DLG1: variants seen among roughly 807,000 people sequenced by gnomAD.
The protein encoded by DLG1 is discs large MAGUK scaffold protein 1, also known as disks large homolog 1.
A neutral mutation model predicts 123.4 loss-of-function variants in DLG1; 42 were observed. That is an observed-to-expected ratio of 0.34 (90% CI 0.27 to 0.44). DLG1 has a LOEUF of 0.44. DLG1 is among the 20% of genes least tolerant of loss of function. DLG1 has a pLI of 1.00. For synonymous variants in DLG1, 317 were observed against 356.2 expected (o/e 0.89, Z 1.24); for missense variants, 942 against 1,082.6 (o/e 0.87, Z 1.82).
At chr3:197,164,227 T>TAAA (rs572647025) in intron 5 of DLG1, among the ~76,000 whole-genome samples, 167 of 143,026 alleles carry the variant, frequency 1.2e-3, no homozygotes, top group African/African-American at 3.3e-3. Context: ...CCATCTCTAC[T>TAAA]AAAAAAAAAA....
intron 1 of DLG1, chr3:197,297,441 C>G (rs1778003782): frequency 1.4e-6 from 2 of 1,390,210 alleles, no homozygotes; most frequent in South Asian, 3.2e-5. Context: ...AAATTAAGAA[C>G]AGACAGAAGT....
Position 197,065,462 on chromosome 3 carries a change from A to C in DLG1, c.2201-14T>G. On this transcript the variant is annotated splice_polypyrimidine_tract_variant and intron_variant, in intron 21 of 24. Coordinates refer to ENST00000667157, the MANE Select transcript of DLG1 (RefSeq NM_001366207.1). ...GTCTAGTTGTATCTTTAACAGAAAA[A>C]AACTTGGGAAAGTGTTTAATATTAA... 1 of 1,567,812 alleles carries C rather than the reference A, an allele frequency of 6.4e-7. No homozygotes were observed. Among genetic ancestry groups the C allele is most frequent in the Non-Finnish European group, 8.6e-7 (1 of 1,163,952 alleles).
At chr3:197,284,570 A>G (rs1052565432) in intron 3 of DLG1, among the ~76,000 whole-genome samples, 1 of 152,176 alleles carries the variant, frequency 6.6e-6, no homozygotes, top group Non-Finnish European at 1.5e-5. Flanking sequence ...CAATAGCTAC[A>G]AGTGATTCTA....
intron 7 of DLG1, among the ~76,000 whole-genome samples, chr3:197,142,260 T>G (rs944767972): frequency 6.6e-6 from 1 of 152,078 alleles, no homozygotes; most frequent in African/African-American, 2.4e-5. Context: ...TCTGAGAAAC[T>G]ATCACAATCT....
At chr3:197,095,881 A>G (rs1360262098) in intron 14 of DLG1, among the ~76,000 whole-genome samples, 1 of 152,158 alleles carries the variant, frequency 6.6e-6, no homozygotes, top group Non-Finnish European at 1.5e-5. Flanking sequence ...TTGAAGTTAG[A>G]TTCTGGGTCC....
At chr3:197,223,438 C>G (rs1389026132) in intron 4 of DLG1, among the ~76,000 whole-genome samples, 1 of 152,186 alleles carries the variant, frequency 6.6e-6, no homozygotes, top group Non-Finnish European at 1.5e-5. Flanking sequence ...GAGGTAAACT[C>G]TAGTCCCATA....
intron 3 of DLG1, among the ~76,000 whole-genome samples, chr3:197,287,279 T>C (rs374544454): frequency 1.3e-4 from 20 of 152,306 alleles, no homozygotes; most frequent in African/African-American, 4.6e-4. Context: ...TTTCTTAAAC[T>C]GCATGAGAGA....
At chr3:197,193,190 A>T (rs1446117644) in intron 5 of DLG1, among the ~76,000 whole-genome samples, 1 of 152,162 alleles carries the variant, frequency 6.6e-6, no homozygotes, top group African/African-American at 2.4e-5. Flanking sequence ...AGAAATACAA[A>T]TCAATAAAAA....
chr3:197,110,759 G>A (rs1769506795), intron 13 of DLG1, among the ~76,000 whole-genome samples: 5 of 152,172 alleles, frequency 3.3e-5, no homozygotes, highest in Admixed American at 3.3e-4. Context: ...AGTGGTTAAT[G>A]ACTGAATACA....
intron 4 of DLG1, among the ~76,000 whole-genome samples, chr3:197,223,643 T>G (rs536116689): frequency 3.9e-5 from 6 of 152,252 alleles, no homozygotes; most frequent in African/African-American, 1.2e-4. Context: ...TTAGAAGTAC[T>G]GTTAGAAAAT....
chr3:197,121,511 T>C (rs940824654), intron 11 of DLG1, among the ~76,000 whole-genome samples: 4 of 152,090 alleles, frequency 2.6e-5, no homozygotes, highest in Admixed American at 6.5e-5. Flanking sequence ...AAATATATAC[T>C]GTAAAAAACA....
At chr3:197,161,628 A>G in intron 5 of DLG1, 1 of 1,393,636 alleles carries the variant, frequency 7.2e-7, no homozygotes, top group Non-Finnish European at 9.5e-7. Flanking sequence ...GAAAAAAGAA[A>G]CTAATAAAAA....
At position 197,126,415 on chromosome 3, in the gene DLG1, C is replaced by T. The variant is rs563154926; in HGVS notation, c.1165+4112G>A. On this transcript the variant is annotated intron_variant, in intron 11 of 24. Transcript: ENST00000667157. Reference sequence around the variant, plus strand: ...CTGGGAGGCAGAGGTTGTGGTGATCCGAGATCACGCCACTGCACTCCAGCC... The same window carrying T: ...CTGGGAGGCAGAGGTTGTGGTGATCTGAGATCACGCCACTGCACTCCAGCC... Among the ~76,000 whole-genome samples the T allele has an allele frequency of 4.6e-5, 7 of 151,512 alleles. No homozygotes were observed. Among genetic ancestry groups the T allele is most frequent in the Non-Finnish European group, 5.9e-5 (4 of 67,868 alleles).
At chr3:197,294,490 C>T (rs1776413616) in intron 3 of DLG1, among the ~76,000 whole-genome samples, 1 of 151,838 alleles carries the variant, frequency 6.6e-6, no homozygotes, top group Non-Finnish European at 1.5e-5. Flanking sequence ...ACTAAAAATA[C>T]AATACAAAAA....
At chr3:197,166,286 C>CT (rs1801358235) in intron 5 of DLG1, among the ~76,000 whole-genome samples, 1 of 152,114 alleles carries the variant, frequency 6.6e-6, no homozygotes, top group Non-Finnish European at 1.5e-5. Flanking sequence ...ACAGGGCATT[C>CT]TGGTCCAATA....
intron 5 of DLG1, among the ~76,000 whole-genome samples, chr3:197,180,990 A>T (rs755175719): frequency 3.3e-5 from 5 of 152,240 alleles, no homozygotes; most frequent in East Asian, 3.9e-4. Flanking sequence ...GTTTATAACC[A>T]CTCAGTTTCC....
At chr3:197,072,780 C>T (rs1416026293) in intron 18 of DLG1, among the ~76,000 whole-genome samples, 3 of 152,082 alleles carry the variant, frequency 2.0e-5, no homozygotes. Context: ...GCAACCTTCA[C>T]CTCCCGGGTT....
intron 3 of DLG1, among the ~76,000 whole-genome samples, chr3:197,290,623 G>A (rs984479322): frequency 5.3e-5 from 8 of 152,104 alleles, no homozygotes; most frequent in African/African-American, 1.9e-4. Context: ...AAAAAAGTAA[G>A]AGTGGAAGGA....
At chr3:197,186,515 T>C (rs1716116728) in intron 5 of DLG1, among the ~76,000 whole-genome samples, 1 of 152,166 alleles carries the variant, frequency 6.6e-6, no homozygotes, top group Non-Finnish European at 1.5e-5. Context: ...GCCTAAACAA[T>C]AGAGAAAGCT....
Sources: allele counts gnomAD v4.1 joint callset (sites outside exome capture counted in the v4.1 genomes callset), GRCh38; gene constraint gnomAD v4.1.1; transcripts MANE v1.5; gene names NCBI Gene and HGNC (gene_info 2026-07-23, HGNC 2026-07-21).